Variants in VAV1 observed in about 807,000 individuals in gnomAD.
VAV1 encodes vav guanine nucleotide exchange factor 1, also known as proto-oncogene vav.
In VAV1, 33 loss-of-function variants were observed where a neutral mutation model predicts 128.1. The ratio of observed to expected loss-of-function variants is 0.26; its 90% CI spans 0.20 to 0.34. The LOEUF is 0.34. VAV1 is among the 10% of genes least tolerant of loss of function. The probability of loss-of-function intolerance (pLI) is 1.00; values close to 1 mark genes in which losing one functional copy is unlikely to be tolerated. For missense variants in VAV1, 715 were observed against 1,093.7 expected, an observed-to-expected ratio of 0.65 and a Z score of 4.88; for synonymous variants, 394 against 409.8, an observed-to-expected ratio of 0.96 and a Z score of 0.47.
intron 1 of VAV1, among the ~76,000 whole-genome samples, chr19:6,798,147 C>T (rs907612542): frequency 9.2e-5 from 14 of 151,692 alleles, no homozygotes; most frequent in African/African-American, 2.2e-4. Context: ...CATGGTGGCA[C>T]GCACCTATAA....
At position 6,833,220 on chromosome 19, in the gene VAV1, G is replaced by T; in HGVS notation, c.1545G>T (p.Gly515=). 1 of 1,613,362 alleles carries T rather than the reference G, an allele frequency of 6.2e-7. No individual in the cohort carries two copies. Among genetic ancestry groups the T allele is most frequent in the African/African-American group, 1.3e-5 (1 of 74,904 alleles). ...ATCCGGAGAATGCCACCGCCAACGG[G>T]CATGACTTCCAGATGTTCTCCTTTG... ...NIYPENATAN[G]HDFQMFSFEE... The change falls in exon 16 of 27, where the codon GGG becomes GGT. Residue 515 remains glycine (G), a synonymous_variant. Transcript: ENST00000602142.
intron 24 of VAV1, among the ~76,000 whole-genome samples, chr19:6,851,739 A>G (rs533407608): frequency 6.6e-6 from 1 of 152,330 alleles, no homozygotes; most frequent in South Asian, 2.1e-4. Flanking sequence ...GATCTAAGGC[A>G]TATGGTTTTT....
intron 22 of VAV1, among the ~76,000 whole-genome samples, chr19:6,843,868 A>G (rs1972442255): frequency 6.6e-6 from 1 of 151,724 alleles, no homozygotes; most frequent in African/African-American, 2.4e-5. Context: ...CTTGCGATCC[A>G]CAGTGTCCAT....
chr19:6,842,738 G>A (rs1016849674), intron 21 of VAV1, among the ~76,000 whole-genome samples: 3 of 152,096 alleles, frequency 2.0e-5, no homozygotes, highest in African/African-American at 7.2e-5. Flanking sequence ...GGAGGCTGAG[G>A]TGAGAGGATC....
chr19:6,812,672 A>G (rs1971539352), intron 1 of VAV1, among the ~76,000 whole-genome samples: 1 of 152,092 alleles, frequency 6.6e-6, no homozygotes, highest in African/African-American at 2.4e-5. Flanking sequence ...AGAAACAAAG[A>G]CAACCCAAAA....
intron 21 of VAV1, among the ~76,000 whole-genome samples, chr19:6,842,679 A>G (rs895581158): frequency 6.6e-6 from 1 of 152,066 alleles, no homozygotes; most frequent in Non-Finnish European, 1.5e-5. Context: ...ATTTAAAAAA[A>G]TTAAAAATTA....
intron 1 of VAV1, among the ~76,000 whole-genome samples, chr19:6,811,381 C>A (rs541259976): frequency 2.6e-5 from 4 of 152,234 alleles, no homozygotes; most frequent in African/African-American, 9.6e-5. Context: ...TTGCATGCCA[C>A]CATGTGGTGT....
intron 26 of VAV1, among the ~76,000 whole-genome samples, chr19:6,854,895 T>G (rs1972755891): frequency 6.6e-6 from 1 of 152,132 alleles, no homozygotes; most frequent in African/African-American, 2.4e-5. Flanking sequence ...GGGGAAAGCA[T>G]TCCAGACAGA....
In VAV1 at chr19:6,841,084, T is replaced by C. The variant is rs550521455; in HGVS notation, c.1981-2051T>C. ...TGAGCCACCATGCCGGGCCTAATTT[T>C]TGTATTCTTTTGTAGGGACAGGGTT... On this transcript the variant is annotated intron_variant, in intron 21 of 26. Transcript: ENST00000602142. Among the ~76,000 whole-genome samples, 4 of 152,110 alleles carry C rather than the reference T, an allele frequency of 2.6e-5. 1 individual carries two copies. In the South Asian group the frequency reaches 6.2e-4, roughly 24 times the overall value.
At chr19:6,833,104 A>C in intron 15 of VAV1, 80 bp from the exon 16 acceptor site, 76 of 1,246,324 alleles carry the variant, frequency 6.1e-5, no homozygotes, top group Non-Finnish European at 7.5e-5. Flanking sequence ...GTCTGTTCAT[A>C]CCATGGAATA....
intron 1 of VAV1, among the ~76,000 whole-genome samples, chr19:6,792,832 T>C (rs2617809): frequency 0.25 from 37,613 of 151,824 alleles, 5,338 homozygotes; most frequent in African/African-American, 0.39. Context: ...ACTGGAGGGC[T>C]TGGTGTGTTA....
At position 6,857,287 on chromosome 19, in the gene VAV1, C is replaced by T. The variant is rs1972825772; in HGVS notation, c.*180C>T. On this transcript the variant is annotated 3_prime_UTR_variant, in exon 27 of 27. Transcript: ENST00000602142. ...GCCCTGACATGGTTAATTTATAACA[C>T]CCCGATTTCCTCTTGGGTCCCCTCA... 2 of 725,932 alleles carry T rather than the reference C, an allele frequency of 2.8e-6. No homozygotes were observed. Among genetic ancestry groups the T allele is most frequent in the Admixed American group, 3.0e-5 (1 of 33,472 alleles). 45.0% of individuals were successfully genotyped at this position (725,932 alleles called of 1,614,324 possible).
At chr19:6,815,408 G>A (rs1262927321) in intron 1 of VAV1, among the ~76,000 whole-genome samples, 1 of 152,104 alleles carries the variant, frequency 6.6e-6, no homozygotes, top group Non-Finnish European at 1.5e-5. Context: ...TTCCCAAAGT[G>A]CTGGGATTAC....
In VAV1 at chr19:6,836,422, T is replaced by C. The variant is rs773988228; in HGVS notation, c.1778-10T>C. 6.2e-7 allele frequency: 1 copy of C among 1,613,950 alleles called. No individual in the cohort carries two copies. Among genetic ancestry groups the C allele is most frequent in the Admixed American group, 1.7e-5 (1 of 60,006 alleles). Reference sequence around the variant, plus strand: ...CCAACCACCCTGTACTCCTGTACCCTGTCCTCCAGGTCTGCCCAAGATGGA... The same window carrying C: ...CCAACCACCCTGTACTCCTGTACCCCGTCCTCCAGGTCTGCCCAAGATGGA... On this transcript the variant is annotated splice_polypyrimidine_tract_variant and intron_variant, in intron 19 of 26. Coordinates refer to ENST00000602142, the MANE Select transcript of VAV1 (RefSeq NM_005428.4).
At chr19:6,804,040 A>G (rs1161778945) in intron 1 of VAV1, among the ~76,000 whole-genome samples, 1 of 152,174 alleles carries the variant, frequency 6.6e-6, no homozygotes, top group East Asian at 1.9e-4. Context: ...CTGTAGAAGC[A>G]GTAAAAAGAT....
In VAV1 at chr19:6,828,255, G is replaced by A. The variant is rs949385272; in HGVS notation, c.1023+84G>A. On this transcript the variant is annotated intron_variant, in intron 10 of 26. Coordinates refer to ENST00000602142, the MANE Select transcript of VAV1 (RefSeq NM_005428.4). The surrounding 1 kb of genome is among the most constrained non-coding windows in gnomAD (Gnocchi z 4.5). ...GTGGGGACGGGGCTGGCTTCTGGGGGTTGGGTCTCTAGGACGCTCGGGGAT... is the reference window on the plus strand; with the variant it reads ...GTGGGGACGGGGCTGGCTTCTGGGGATTGGGTCTCTAGGACGCTCGGGGAT... The A allele has an allele frequency of 6.4e-6, 10 of 1,559,590 alleles. No homozygotes were observed. Among genetic ancestry groups the A allele is most frequent in the Non-Finnish European group, 7.9e-6 (9 of 1,139,850 alleles).
Position 6,828,716 on chromosome 19 carries a change from G to T in VAV1, c.1179+8G>T, listed in dbSNP as rs753650216. On this transcript the variant is annotated splice_region_variant and intron_variant, in intron 12 of 26. Transcript: ENST00000602142. This position sits in a 1 kb window ranked among gnomAD's most constrained non-coding sequence, Gnocchi z 4.5. ...CTGTCCATTGAGAACCTGGTGAGGC[G>T]GTGGAGCCGGGTGGGCCAGGGGTGT... 1.2e-5 allele frequency: 20 copies of T among 1,614,080 alleles called. No homozygotes were observed. In the South Asian group the frequency reaches 2.0e-4, roughly 16 times the overall value.
At chr19:6,804,656 T>A (rs1352691676) in intron 1 of VAV1, among the ~76,000 whole-genome samples, 1 of 151,666 alleles carries the variant, frequency 6.6e-6, no homozygotes, top group African/African-American at 2.4e-5. Context: ...ACCTCAGGTG[T>A]TCTGCCTGCC....
chr19:6,825,272 G>T, intron 7 of VAV1, 31 bp from the exon 8 acceptor site: 1 of 1,600,152 alleles, frequency 6.2e-7, no homozygotes, highest in Non-Finnish European at 8.5e-7. Context: ...CCTGGGCTCT[G>T]GTCCCAGCCC....
Sources: allele counts gnomAD v4.1 joint callset (sites outside exome capture counted in the v4.1 genomes callset), GRCh38; gene constraint gnomAD v4.1.1; non-coding constraint Gnocchi (gnomAD v3.1); transcripts MANE v1.5; gene names NCBI Gene and HGNC (gene_info 2026-07-23, HGNC 2026-07-21).